The following ADAM2 variants were observed in gnomAD, a reference collection of about 807,000 sequenced individuals.
The protein encoded by ADAM2 is disintegrin and metalloproteinase domain-containing protein 2.
ADAM2 carries 101 observed loss-of-function variants against 99.3 expected under a neutral mutation model. That is an observed-to-expected ratio of 1.02 (90% CI 0.87 to 1.20). The LOEUF (loss-of-function observed/expected upper bound fraction) is 1.20. Ranked by LOEUF, ADAM2 falls within the 50% of genes most tolerant of loss-of-function variation. The pLI is 0.00. For synonymous variants in ADAM2, 323 were observed against 287.6 expected (o/e 1.12, Z -1.25); for missense variants, 948 against 878.7 (o/e 1.08, Z -1.00).
intron 7 of ADAM2, among the ~76,000 whole-genome samples, chr8:39,795,262 A>C (rs959180863): frequency 6.6e-6 from 1 of 152,132 alleles, no homozygotes; most frequent in African/African-American, 2.4e-5. Context: ...TAGCATTCCA[A>C]AATTAATCTG....
At chr8:39,764,947 C>T (rs930262136) in intron 14 of ADAM2, among the ~76,000 whole-genome samples, 17 of 152,008 alleles carry the variant, frequency 1.1e-4, no homozygotes, top group African/African-American at 3.4e-4. Context: ...CACTGGAACA[C>T]GGGAGGTGAA....
intron 15 of ADAM2, among the ~76,000 whole-genome samples, 171 bp from the exon 16 acceptor site, chr8:39,756,082 G>A (rs1408749965): frequency 6.6e-6 from 1 of 152,094 alleles, no homozygotes; most frequent in Non-Finnish European, 1.5e-5. Flanking sequence ...AATAATAACT[G>A]AACATTTTAG....
At chr8:39,827,413 G>A (rs528257269) in intron 3 of ADAM2, among the ~76,000 whole-genome samples, 3 of 152,238 alleles carry the variant, frequency 2.0e-5, no homozygotes, top group South Asian at 4.1e-4. Flanking sequence ...AAATTAGTAT[G>A]TTGAAGAGAT....
chr8:39,790,462 C>A (rs971928639), intron 7 of ADAM2, among the ~76,000 whole-genome samples: 3 of 151,808 alleles, frequency 2.0e-5, no homozygotes, highest in Non-Finnish European at 4.4e-5. Flanking sequence ...ATGAAGTGTG[C>A]AAAACAGAAA....
intron 16 of ADAM2, among the ~76,000 whole-genome samples, chr8:39,750,756 A>G (rs1801899739): frequency 6.6e-6 from 1 of 152,192 alleles, no homozygotes; most frequent in Admixed American, 6.5e-5. Context: ...GCTGGTAGTT[A>G]AATCAACTGA....
intron 15 of ADAM2, among the ~76,000 whole-genome samples, chr8:39,759,560 T>C (rs564638351): frequency 7.9e-5 from 12 of 152,286 alleles, no homozygotes; most frequent in African/African-American, 2.9e-4. Context: ...TATCTTTATT[T>C]TCAAGATAAA....
intron 9 of ADAM2, among the ~76,000 whole-genome samples, chr8:39,787,562 A>G (rs1265232167): frequency 1.1e-5 from 1 of 89,918 alleles, no homozygotes; most frequent in African/African-American, 5.4e-5. Flanking sequence ...ATATACACAT[A>G]TATATACACA....
rs1194524479 is a variant in ADAM2 at position 39,749,336 on chromosome 8, C to G, written c.1990G>C (p.Val664Leu). ...CCAGGGAGTCTGGCTGGTATAGCTA[C>G]AGGTGGAAAATTGCCACTGTCAATA... is the stretch of plus-strand genomic sequence containing the variant. ...GSIDSGNFPP[V>L]AIPARLPERR... is the part of the protein sequence containing the mutation. Residue 664 changes from valine (V) to leucine (L), a missense_variant, in exon 18 of 21, where the codon GTA (valine) becomes CTA (leucine). By Grantham distance (32) the Val-to-Leu change is conservative (BLOSUM62 1). Transcript: ENST00000265708. 5.6e-6 allele frequency: 9 copies of G among 1,612,784 alleles called. No homozygotes were observed. Among genetic ancestry groups the G allele is most frequent in the African/African-American group, 2.7e-5 (2 of 74,928 alleles).
rs996443886 is a variant in ADAM2 at position 39,744,009 on chromosome 8, A to T, written c.*86T>A. ...AATCCCAGGAAACCAGGTAATGTAC[A>T]TTCTTTTCTTTCCATTTTTTTGTGT... is the stretch of plus-strand genomic sequence containing the variant. On this transcript the variant is annotated 3_prime_UTR_variant, in exon 21 of 21. Transcript: ENST00000265708. 8 of 152,132 alleles carry T rather than the reference A, an allele frequency of 5.3e-5. No homozygotes were observed. The highest frequency in any genetic ancestry group is 1.9e-4 in the African/African-American group (8 of 41,450). 9.4% of individuals were successfully genotyped at this position (152,132 alleles called of 1,614,324 possible).
rs751212901 is a variant in ADAM2 at position 39,749,305 on chromosome 8, T to C, written c.2014+7A>G. Reference sequence around the variant, plus strand: ...TAATTATTTTCTGATTTATTATTAATACTTACCAGGGAGTCTGGCTGGTAT... The same window carrying C: ...TAATTATTTTCTGATTTATTATTAACACTTACCAGGGAGTCTGGCTGGTAT... On this transcript the variant is annotated splice_region_variant and intron_variant, in intron 18 of 20. Coordinates refer to ENST00000265708, the MANE Select transcript of ADAM2 (RefSeq NM_001464.5). 6.3e-7 allele frequency: 1 copy of C among 1,597,610 alleles called. No individual in the cohort carries two copies. The highest frequency in any genetic ancestry group is 1.1e-5 in the South Asian group (1 of 88,390).
At chr8:39,807,607 T>C (rs189747426) in intron 7 of ADAM2, among the ~76,000 whole-genome samples, 1 of 152,234 alleles carries the variant, frequency 6.6e-6, no homozygotes, top group Non-Finnish European at 1.5e-5. Context: ...TTAGTGCCCT[T>C]ATGGGAAGAG....
intron 11 of ADAM2, among the ~76,000 whole-genome samples, chr8:39,771,714 G>A (rs886588829): frequency 6.6e-5 from 10 of 152,018 alleles, no homozygotes; most frequent in African/African-American, 2.4e-4. Flanking sequence ...TTGCATCCTG[G>A]CTGAACATCC....
chr8:39,745,626 T>C (rs747214043), intron 19 of ADAM2, among the ~76,000 whole-genome samples: 1 of 152,138 alleles, frequency 6.6e-6, no homozygotes, highest in Non-Finnish European at 1.5e-5. Context: ...GTGGCTATCA[T>C]CTAGATTTTT....
chr8:39,790,067 G>A (rs1437187949), intron 7 of ADAM2, among the ~76,000 whole-genome samples: 3 of 151,736 alleles, frequency 2.0e-5, no homozygotes, highest in African/African-American at 7.3e-5. Flanking sequence ...TGAAGAAATT[G>A]GAATTCTTAT....
chr8:39,771,722 T>A (rs1005036218), intron 11 of ADAM2, among the ~76,000 whole-genome samples: 1 of 152,090 alleles, frequency 6.6e-6, no homozygotes, highest in East Asian at 1.9e-4. Context: ...TGGCTGAACA[T>A]CCCCTTCAGT....
chr8:39,779,008 G>GA (rs796197106), intron 10 of ADAM2, among the ~76,000 whole-genome samples: 1 of 148,092 alleles, frequency 6.8e-6, no homozygotes, highest in East Asian at 2.0e-4. Context: ...TAAAAGCAGG[G>GA]TTTTTTTTTT....
chr8:39,826,469 A>G (rs577396124), intron 3 of ADAM2, among the ~76,000 whole-genome samples: 16 of 152,262 alleles, frequency 1.1e-4, no homozygotes, highest in Non-Finnish European at 1.6e-4. Context: ...CACGCCTGTA[A>G]TCCCAGCACT....
Position 39,769,549 on chromosome 8 carries a change from C to G in ADAM2, c.1055G>C (p.Ser352Thr), listed in dbSNP as rs77413090. 1.2e-5 allele frequency: 19 copies of G among 1,613,622 alleles called. No homozygotes were observed. The South Asian group carries it at 2.0e-4, about 17-fold the overall frequency. The change falls in exon 12 of 21, where the codon AGT (serine) becomes ACT (threonine). Residue 352 changes from serine (S) to threonine (T), a missense_variant. Ser to Thr is a moderately conservative substitution (Grantham distance 58). Coordinates refer to ENST00000265708, the MANE Select transcript of ADAM2 (RefSeq NM_001464.5). ...TGCAAAGTCTTCGAAGCTGCAGTTA[C>G]TAAAGATCTTCACACCACTGAAATG... The part of the protein sequence containing the change: ...AIHFSGVKIF[S>T]NCSFEDFAHF...
At chr8:39,787,195 C>A (rs1167594187) in intron 9 of ADAM2, 140 bp from the exon 10 acceptor site, 2 of 429,702 alleles carry the variant, frequency 4.7e-6, no homozygotes, top group East Asian at 3.5e-5. Flanking sequence ...GTGACTAAAT[C>A]TTTCTGCTTC....
Sources: allele counts gnomAD v4.1 joint callset (sites outside exome capture counted in the v4.1 genomes callset), GRCh38; gene constraint gnomAD v4.1.1; transcripts MANE v1.5; gene names NCBI Gene and HGNC (gene_info 2026-07-23, HGNC 2026-07-21).